The following SYT10 variants were observed in gnomAD, a reference collection of about 807,000 sequenced individuals.
The protein encoded by SYT10 is synaptotagmin-10.
SYT10 carries 31 observed loss-of-function variants against 51.1 expected under a neutral mutation model. That is an observed-to-expected ratio of 0.61 (90% CI 0.46 to 0.82). The LOEUF (loss-of-function observed/expected upper bound fraction) is 0.82, where lower values mean the gene tolerates loss of function less well. Among genes scored for constraint, SYT10 ranks in the 40% least tolerant of loss-of-function variants. The pLI is 0.00. For missense variants in SYT10, 603 were observed against 634.0 expected (o/e 0.95, Z 0.53); for synonymous variants, 233 against 225.9 (o/e 1.03, Z -0.28).
intron 2 of SYT10, among the ~76,000 whole-genome samples, chr12:33,425,029 G>A (rs1417957299): frequency 1.3e-5 from 2 of 152,040 alleles, no homozygotes; most frequent in Admixed American, 1.3e-4. Flanking sequence ...ATTTAAGTAA[G>A]AAGTGGATTT....
chr12:33,395,692 A>G (rs1866249972), intron 3 of SYT10, among the ~76,000 whole-genome samples: 1 of 152,226 alleles, frequency 6.6e-6, no homozygotes. Flanking sequence ...TTCTCTATGC[A>G]TATCAGTCAC....
intron 1 of SYT10, 28 bp downstream of exon 1, chr12:33,439,344 A>G (rs1340586006): frequency 6.3e-7 from 1 of 1,599,658 alleles, no homozygotes; most frequent in Non-Finnish European, 8.5e-7. Context: ...GCGGAGCGCG[A>G]GGACGCGAGC....
chr12:33,438,193 C>G (rs1405957759), intron 1 of SYT10, among the ~76,000 whole-genome samples: 1 of 152,208 alleles, frequency 6.6e-6, no homozygotes, highest in Admixed American at 6.5e-5. Flanking sequence ...GCACGCAGGG[C>G]TCCATGTTGT....
chr12:33,387,137 T>C (rs1866163811), intron 3 of SYT10, among the ~76,000 whole-genome samples: 1 of 152,206 alleles, frequency 6.6e-6, no homozygotes, highest in Non-Finnish European at 1.5e-5. Context: ...TTTTTCATGA[T>C]ACACTATTAA....
chr12:33,397,049 T>C (rs1335005695), intron 3 of SYT10, among the ~76,000 whole-genome samples: 1 of 152,228 alleles, frequency 6.6e-6, no homozygotes, highest in Admixed American at 6.5e-5. Context: ...CCTTGTCTTA[T>C]CATCAGCCTT....
At chr12:33,430,153 T>C (rs1334501430) in intron 1 of SYT10, among the ~76,000 whole-genome samples, 2 of 152,246 alleles carry the variant, frequency 1.3e-5, no homozygotes, top group Admixed American at 6.5e-5. Flanking sequence ...TTTGATTACA[T>C]ACACATGCAT....
intron 3 of SYT10, among the ~76,000 whole-genome samples, chr12:33,403,621 T>C (rs1348520155): frequency 6.6e-6 from 1 of 152,176 alleles, no homozygotes; most frequent in Non-Finnish European, 1.5e-5. Context: ...CCTCTGTAGG[T>C]TTCCGCAGGA....
intron 3 of SYT10, among the ~76,000 whole-genome samples, chr12:33,394,907 G>A (rs770364112): frequency 7.2e-5 from 11 of 152,318 alleles, no homozygotes; most frequent in Middle Eastern, 3.4e-3. Flanking sequence ...CTAACATGGT[G>A]AAACCCTGTC....
At chr12:33,416,085 T>G (rs1866450825) in intron 2 of SYT10, among the ~76,000 whole-genome samples, 1 of 120,420 alleles carries the variant, frequency 8.3e-6, no homozygotes, top group South Asian at 2.6e-4. Context: ...CATTCTCTTT[T>G]ATTTGTTGTT....
chr12:33,421,952 C>T (rs1326824442), intron 2 of SYT10, among the ~76,000 whole-genome samples: 1 of 151,754 alleles, frequency 6.6e-6, no homozygotes, highest in East Asian at 1.9e-4. Context: ...GACCAAGTGC[C>T]CTTCTAGTGA....
intron 3 of SYT10, among the ~76,000 whole-genome samples, chr12:33,389,158 G>C (rs754594717): frequency 1.3e-5 from 2 of 152,136 alleles, no homozygotes; most frequent in Non-Finnish European, 2.9e-5. Context: ...TATGGAGTTT[G>C]GAAACATGTT....
rs912420874 is a variant in SYT10, at chr12:33,417,425, C to T, written c.509+8713G>A. 7.2e-5 allele frequency among the ~76,000 whole-genome samples: 11 copies of T among 152,106 alleles called. No homozygotes were observed. In the South Asian group the frequency reaches 8.3e-4, roughly 11 times the overall value. ...CCTTGGGACTCTGCAGAGTCCTCAC[C>T]GGCAAGAAGACCCTTGCCAGATGTG... On this transcript the variant is annotated intron_variant, in intron 2 of 6. Coordinates refer to ENST00000228567, the MANE Select transcript of SYT10 (RefSeq NM_198992.4).
intron 1 of SYT10, among the ~76,000 whole-genome samples, chr12:33,427,287 A>C (rs1866561078): frequency 6.6e-6 from 1 of 152,164 alleles, no homozygotes; most frequent in African/African-American, 2.4e-5. Context: ...GTGAGGGCAT[A>C]GCAAGAAGGT....
intron 3 of SYT10, among the ~76,000 whole-genome samples, chr12:33,385,881 A>G (rs1866152593): frequency 6.6e-6 from 1 of 152,184 alleles, no homozygotes; most frequent in African/African-American, 2.4e-5. Flanking sequence ...CTTGCTTAAA[A>G]CTGTTTAAGG....
chr12:33,434,164 C>G (rs2138441184), intron 1 of SYT10, among the ~76,000 whole-genome samples: 1 of 152,170 alleles, frequency 6.6e-6, no homozygotes, highest in East Asian at 1.9e-4. Context: ...GTGCTTTATG[C>G]AACACTTACA....
intron 6 of SYT10, 66 bp downstream of exon 6, chr12:33,379,766 C>A: frequency 6.3e-7 from 1 of 1,579,098 alleles, no homozygotes; most frequent in Non-Finnish European, 8.6e-7. Context: ...TAAAGGTTAG[C>A]AAATAAATAA....
chr12:33,418,651 CTCT>C (rs1208840707), intron 2 of SYT10, among the ~76,000 whole-genome samples: 1 of 152,160 alleles, frequency 6.6e-6, no homozygotes, highest in Non-Finnish European at 1.5e-5. Flanking sequence ...TCATTTTTGA[CTCT>C]TCTTATTTCA....
chr12:33,385,307 G>T lies in SYT10; in HGVS notation c.1078-16C>A. The stretch of plus-strand genomic sequence containing the variant: ...CTATACTTTCCTAGAAAGGCAATCG[G>T]CATGTTAGCAATTTCAAACATTGAA... On this transcript the variant is annotated splice_polypyrimidine_tract_variant and intron_variant, in intron 3 of 6. Transcript: ENST00000228567. The T allele has an allele frequency of 1.2e-6, 2 of 1,611,042 alleles. No homozygotes were observed. The highest frequency in any genetic ancestry group is 1.7e-6 in the Non-Finnish European group (2 of 1,178,806).
chr12:33,400,394 A>C (rs1866292332), intron 3 of SYT10, among the ~76,000 whole-genome samples: 1 of 152,228 alleles, frequency 6.6e-6, no homozygotes, highest in Admixed American at 6.5e-5. Context: ...TGAATTGCTG[A>C]TACAATGAAT....
Sources: gnomAD v4.1 joint callset for allele counts (sites outside exome capture counted in the v4.1 genomes callset) on GRCh38, gnomAD v4.1.1 for gene constraint, MANE v1.5 for transcripts, NCBI Gene and HGNC (gene_info 2026-07-23, HGNC 2026-07-21) for gene names.